Variants in CDH2 observed in about 807,000 individuals in gnomAD.
CDH2 encodes the protein cadherin 2, also known as cadherin-2.
Under a neutral mutation model 92.0 loss-of-function variants are expected in CDH2, and 17 were observed. The ratio of observed to expected loss-of-function variants is 0.18; its 90% CI spans 0.13 to 0.28. The LOEUF is 0.28. Among genes scored for constraint, CDH2 ranks in the 10% least tolerant of loss-of-function variants. The pLI is 1.00. For synonymous variants in CDH2, 419 were observed against 415.9 expected (o/e 1.01, Z -0.09); for missense variants, 862 against 1,133.1 (o/e 0.76, Z 3.44).
At chr18:27,995,295 C>G (rs2012544991) in intron 7 of CDH2, among the ~76,000 whole-genome samples, 1 of 110,282 alleles carries the variant, frequency 9.1e-6, no homozygotes. Flanking sequence ...GCCTGGGCGA[C>G]AGAATGAGAC....
At chr18:28,148,566 T>G (rs1316094578) in intron 1 of CDH2, among the ~76,000 whole-genome samples, 32 of 152,186 alleles carry the variant, frequency 2.1e-4, no homozygotes, top group Non-Finnish European at 3.8e-4. Context: ...CAGTCAGCCC[T>G]CAGCAGAGCT....
intron 2 of CDH2, among the ~76,000 whole-genome samples, chr18:28,015,002 T>C (rs2013203547): frequency 6.6e-6 from 1 of 152,188 alleles, no homozygotes; most frequent in African/African-American, 2.4e-5. Flanking sequence ...GTTCTGGCTA[T>C]AATTACATAG....
intron 2 of CDH2, among the ~76,000 whole-genome samples, chr18:28,096,347 A>T (rs2015134431): frequency 6.6e-6 from 1 of 152,170 alleles, no homozygotes; most frequent in South Asian, 2.1e-4. Context: ...CTAGTAATCA[A>T]AGATGTATAA....
At chr18:28,159,541 C>T (rs1358831960) in intron 1 of CDH2, among the ~76,000 whole-genome samples, 1 of 152,006 alleles carries the variant, frequency 6.6e-6, no homozygotes, top group Admixed American at 6.6e-5. Flanking sequence ...GGTGAACTAT[C>T]TGGGGATCTT....
chr18:28,127,198 T>C (rs757303703), intron 2 of CDH2, among the ~76,000 whole-genome samples: 3 of 152,182 alleles, frequency 2.0e-5, no homozygotes, highest in Non-Finnish European at 4.4e-5. Context: ...CACTTTCTTT[T>C]GTAGAAAAAA....
At chr18:28,063,203 G>C (rs2014438990) in intron 2 of CDH2, among the ~76,000 whole-genome samples, 1 of 152,068 alleles carries the variant, frequency 6.6e-6, no homozygotes, top group Non-Finnish European at 1.5e-5. Context: ...AAATTATTAT[G>C]GGACAAAAGA....
At chr18:28,077,769 C>G (rs1436677080) in intron 2 of CDH2, among the ~76,000 whole-genome samples, 1 of 151,408 alleles carries the variant, frequency 6.6e-6, no homozygotes, top group African/African-American at 2.4e-5. Flanking sequence ...CGTGTGCCTA[C>G]ATTCCCAGCT....
chr18:28,067,198 GACTA>G (rs1283705984), intron 2 of CDH2, among the ~76,000 whole-genome samples: 1 of 152,020 alleles, frequency 6.6e-6, no homozygotes, highest in Non-Finnish European at 1.5e-5. Flanking sequence ...TAGTGTTACT[GACTA>G]ACAGCTTTAT....
At chr18:28,139,660 C>T (rs1194413007) in intron 2 of CDH2, among the ~76,000 whole-genome samples, 1 of 151,996 alleles carries the variant, frequency 6.6e-6, no homozygotes, top group Non-Finnish European at 1.5e-5. Flanking sequence ...CCTTCTAAGA[C>T]ATCACAGCCT....
At chr18:27,937,525 C>T (rs1031440978) in intron 6 of CDH2, among the ~76,000 whole-genome samples, 1 of 152,098 alleles carries the variant, frequency 6.6e-6, no homozygotes, top group Non-Finnish European at 1.5e-5. Context: ...TCCCTTTGTT[C>T]GTTTTAATAC....
intron 2 of CDH2, among the ~76,000 whole-genome samples, chr18:28,080,970 C>G (rs772815161): frequency 1.6e-4 from 24 of 152,194 alleles, no homozygotes; most frequent in Non-Finnish European, 3.4e-4. Flanking sequence ...AAAGTCTTCT[C>G]TGCCCAGAAG....
chr18:27,948,144 T>C (rs182707393), downstream of CDH2, among the ~76,000 whole-genome samples: 282 of 150,820 alleles, frequency 1.9e-3, no homozygotes, highest in African/African-American at 6.5e-3. Context: ...ATAACTTTGA[T>C]ATAAGTGTGT....
At chr18:28,065,030 T>C (rs1488487712) in intron 2 of CDH2, among the ~76,000 whole-genome samples, 1 of 152,116 alleles carries the variant, frequency 6.6e-6, no homozygotes, top group East Asian at 1.9e-4. Flanking sequence ...ATAAGATTTC[T>C]CATGCCCAAG....
At chr18:27,972,694 G>A (rs1197771066) in intron 14 of CDH2, among the ~76,000 whole-genome samples, 2 of 152,190 alleles carry the variant, frequency 1.3e-5, no homozygotes, top group Non-Finnish European at 2.9e-5. Context: ...AGAAATTCAG[G>A]AAGAGGGCCC....
chr18:28,100,587 G>C (rs1245793806), intron 2 of CDH2, among the ~76,000 whole-genome samples: 3 of 141,860 alleles, frequency 2.1e-5, no homozygotes, highest in African/African-American at 9.5e-5. Context: ...ATACCATGCT[G>C]GGCTACCAGG....
At chr18:28,015,709 T>C (rs1047917169) in intron 2 of CDH2, among the ~76,000 whole-genome samples, 1 of 152,166 alleles carries the variant, frequency 6.6e-6, no homozygotes, top group South Asian at 2.1e-4. Context: ...TTAATTGTCA[T>C]CCATAAACAC....
chr18:28,100,129 T>C (rs1279562747), intron 2 of CDH2, among the ~76,000 whole-genome samples: 1 of 152,178 alleles, frequency 6.6e-6, no homozygotes, highest in African/African-American at 2.4e-5. Context: ...GGCTGTGCCA[T>C]GGGGTGCCTG....
At chr18:28,048,513 C>T (rs1348690479) in intron 2 of CDH2, among the ~76,000 whole-genome samples, 1 of 152,134 alleles carries the variant, frequency 6.6e-6, no homozygotes, top group Non-Finnish European at 1.5e-5. Context: ...GTATTCGATA[C>T]GTTTTTGATA....
In CDH2 at chr18:27,992,641, C is replaced by T. The variant is rs767987363; in HGVS notation, c.1344+14G>A. On this transcript the variant is annotated intron_variant, in intron 9 of 15. Coordinates refer to ENST00000269141, the MANE Select transcript of CDH2 (RefSeq NM_001792.5). ...GCAGCTGTTGGAGAGATCAGTGGCC[C>T]GAGGAACACTTACTTTGACCACGGT... 12 of 1,601,426 alleles carry T rather than the reference C, an allele frequency of 7.5e-6. No homozygotes were observed. The highest frequency in any genetic ancestry group is 3.4e-5 in the Admixed American group (2 of 59,520).
Sources: allele counts gnomAD v4.1 joint callset (sites outside exome capture counted in the v4.1 genomes callset), GRCh38; gene constraint gnomAD v4.1.1; transcripts MANE v1.5; gene names NCBI Gene and HGNC (gene_info 2026-07-23, HGNC 2026-07-21).